ARHGEF1: variants seen among roughly 807,000 people sequenced by gnomAD.
The protein encoded by ARHGEF1 is Rho guanine nucleotide exchange factor 1, also known as 115 kDa guanine nucleotide exchange factor.
Under a neutral mutation model 119.7 loss-of-function variants are expected in ARHGEF1, and 40 were observed. That is an observed-to-expected ratio of 0.33 (90% confidence interval 0.26 to 0.44). The LOEUF (loss-of-function observed/expected upper bound fraction) is 0.44, where lower values mean the gene tolerates loss of function less well. ARHGEF1 is among the 20% of genes least tolerant of loss of function. ARHGEF1 has a pLI of 1.00. For missense variants in ARHGEF1, 976 were observed against 1,268.3 expected, an observed-to-expected ratio of 0.77 and a Z score of 3.50; for synonymous variants, 494 against 521.0, an observed-to-expected ratio of 0.95 and a Z score of 0.71.
At position 41,888,938 on chromosome 19, in the gene ARHGEF1, G is replaced by T. The variant is rs1244744691; in HGVS notation, c.225+73G>T. 1.2e-5 allele frequency: 15 copies of T among 1,268,828 alleles called. No individual in the cohort carries two copies. The highest frequency in any genetic ancestry group is 1.5e-5 in the Non-Finnish European group (14 of 903,968). 78.6% of individuals were successfully genotyped at this position (1,268,828 alleles called of 1,614,324 possible). On this transcript the variant is annotated intron_variant, in intron 4 of 28. Coordinates refer to ENST00000354532, the MANE Select transcript of ARHGEF1 (RefSeq NM_004706.4). The surrounding 1 kb of genome is among the most constrained non-coding windows in gnomAD (Gnocchi z 5.1). ...GCACAGCTTTTAGCGAATTAAACCAGCGAGCTAGTGCCTGGAGGGTCTGGA... is the reference window on the plus strand; with the variant it reads ...GCACAGCTTTTAGCGAATTAAACCATCGAGCTAGTGCCTGGAGGGTCTGGA...
rs1555847391 is a variant in ARHGEF1, at chr19:41,895,458, G to A, written c.987G>A (p.Leu329=). The stretch of plus-strand genomic sequence containing the variant: ...CCCCTGGAGTCTCTCTGCACCCTCT[G>A]TCCCTGGACAGCCCAGACCGGGAAC... ...QDTPGVSLHP[L]SLDSPDREPG... The change falls in exon 12 of 29, where the codon CTG becomes CTA. Residue 329 remains leucine (L), a synonymous_variant. Coordinates refer to ENST00000354532, the MANE Select transcript of ARHGEF1 (RefSeq NM_004706.4). 6.2e-7 allele frequency: 1 copy of A among 1,610,414 alleles called. No homozygotes were observed. The highest frequency in any genetic ancestry group is 8.5e-7 in the Non-Finnish European group (1 of 1,178,458).
rs982685316 is a variant in ARHGEF1 at position 41,905,366 on chromosome 19, T to A, written c.2336+105T>A. 7.1e-6 allele frequency: 7 copies of A among 979,768 alleles called. No individual in the cohort carries two copies. The African/African-American group carries it at 9.7e-5, about 14-fold the overall frequency. The allele number at this position is 979,768 out of a possible 1,614,324, so 60.7% of individuals were successfully genotyped here. A position where few individuals can be genotyped will look rare whatever the true frequency, so the allele number is the denominator to read the frequency against. On this transcript the variant is annotated intron_variant, in intron 24 of 28. Coordinates refer to ENST00000354532, the MANE Select transcript of ARHGEF1 (RefSeq NM_004706.4). This position sits in a 1 kb window ranked among gnomAD's most constrained non-coding sequence, Gnocchi z 6.4. ...AACCGTCTCTGTGTGAGCATGCACA[T>A]GTGTGAATGCATGTGTGTGCATACA...
chr19:41,896,310 G>A (rs2074484512), intron 12 of ARHGEF1, 67 bp from the exon 13 acceptor site: 2 of 795,226 alleles, frequency 2.5e-6, no homozygotes, highest in African/African-American at 2.0e-5. Flanking sequence ...GCAATTCCAG[G>A]CCCCCAGAGT....
At chr19:41,884,260 G>A (rs1239215012) in intron 1 of ARHGEF1, 5 of 674,300 alleles carry the variant, frequency 7.4e-6, no homozygotes, top group South Asian at 1.9e-5. Flanking sequence ...GGCCCTATCT[G>A]GCCTGCGTGG....
chr19:41,908,663 A>G (rs2074733530), downstream of ARHGEF1: 5 of 1,231,494 alleles, frequency 4.1e-6, no homozygotes, highest in African/African-American at 3.1e-5. The surrounding 1 kb of genome is among the most constrained non-coding windows in gnomAD (Gnocchi z 6.7). Context: ...GGGGCTTGGA[A>G]TAGCTGGTGG....
rs1373638556 is a variant in ARHGEF1, at chr19:41,896,568, T to G, written c.1121+86T>G. On this transcript the variant is annotated intron_variant, in intron 13 of 28. Coordinates refer to ENST00000354532, the MANE Select transcript of ARHGEF1 (RefSeq NM_004706.4). ...CAGGGTCACCGCTGCCATCTGTGCC[T>G]GCCTGTCCCAGGCTCTTGCTCCCCA... is the stretch of plus-strand genomic sequence containing the variant. 4 of 1,079,704 alleles carry G rather than the reference T, an allele frequency of 3.7e-6. No individual in the cohort carries two copies. In the Admixed American group the frequency reaches 7.9e-5, roughly 21 times the overall value. 66.9% of individuals were successfully genotyped at this position (1,079,704 alleles called of 1,614,324 possible).
chr19:41,899,247 C>CCAAAA (rs1230187577), intron 14 of ARHGEF1, among the ~76,000 whole-genome samples: 1 of 151,962 alleles, frequency 6.6e-6, no homozygotes, highest in African/African-American at 2.4e-5. Flanking sequence ...CCTCAGCCTC[C>CCAAAA]CAAAGTCTTG....
At chr19:41,898,358 G>GA (rs2123474097) in intron 13 of ARHGEF1, 84 bp from the exon 14 acceptor site, 1 of 1,542,448 alleles carries the variant, frequency 6.5e-7, no homozygotes, top group Admixed American at 2.0e-5. Flanking sequence ...CAAGGCCACT[G>GA]ACCGGGGTTG....
In ARHGEF1 at chr19:41,916,687, G is replaced by A. The variant is rs567369988; in HGVS notation, c.1866-6405G>A. Among the ~76,000 whole-genome samples the A allele has an allele frequency of 1.4e-3, 215 of 151,656 alleles. No individual in the cohort carries two copies. The highest frequency in any genetic ancestry group is 1.3e-3 in the Non-Finnish European group (90 of 67,884). The stretch of plus-strand genomic sequence containing the variant: ...ACAACCAAGCACCACCGACCCTCGA[G>A]CGCATACATATGCACTTGGTCACGC... On this transcript the variant is annotated intron_variant, in intron 18 of 20. Coordinates refer to the ARHGEF1 transcript ENST00000599589. This position sits in a 1 kb window ranked among gnomAD's most constrained non-coding sequence, Gnocchi z 5.4.
At position 41,902,125 on chromosome 19, in the gene ARHGEF1, G is replaced by A; in HGVS notation, c.1414+92G>A. 1 of 1,573,704 alleles carries A rather than the reference G, an allele frequency of 6.4e-7. No homozygotes were observed. Among genetic ancestry groups the A allele is most frequent in the Admixed American group, 1.7e-5 (1 of 57,560 alleles). ...GGTTCAACCTGCTCGGGAACCCCAG[G>A]GTTCACATGGGGTGGGGGCAGATAC... is the stretch of plus-strand genomic sequence containing the variant. On this transcript the variant is annotated intron_variant, in intron 15 of 28. Transcript: ENST00000354532. The surrounding 1 kb of genome is among the most constrained non-coding windows in gnomAD (Gnocchi z 6.5).
Position 41,917,230 on chromosome 19 carries a change from TG to T in ARHGEF1, c.1866-5861del, listed in dbSNP as rs2074806852. ...CTGTCTTTCTAAATATCTCCATCTC[TG>T]AGTGTCTCTGTTTCCCCCATCTCTC... On this transcript the variant is annotated intron_variant, in intron 18 of 20. Transcript: ENST00000599589. This position sits in a 1 kb window ranked among gnomAD's most constrained non-coding sequence, Gnocchi z 4.8. Among the ~76,000 whole-genome samples, 1 of 152,132 alleles carries T rather than the reference TG, an allele frequency of 6.6e-6. No homozygotes were observed.
intron 11 of ARHGEF1, among the ~76,000 whole-genome samples, 154 bp downstream of exon 11, chr19:41,894,815 G>A (rs544440281): frequency 2.7e-4 from 40 of 150,152 alleles, no homozygotes; most frequent in Non-Finnish European, 5.2e-4. Context: ...GTCTGAGGGA[G>A]GAGGGGCTGG....
chr19:41,893,227 C>G (rs1555846682), intron 7 of ARHGEF1, 47 bp from the exon 8 acceptor site: 1 of 1,610,890 alleles, frequency 6.2e-7, no homozygotes, highest in South Asian at 1.1e-5. Context: ...TGGATGGGGA[C>G]CCCAGGCCTA....
chr19:41,892,656 G>A lies in ARHGEF1; in HGVS notation c.421G>A (p.Glu141Lys), dbSNP rs1555846491. The part of the protein sequence containing the change: ...SEDVQRRFVQ[E>K]VVQSQQVAVG... ...GGATGTCCAGCGGCGGTTCGTGCAGGAGGTGGTGCAAAGCCAGCAGGTAGC... is the reference window on the plus strand; with the variant it reads ...GGATGTCCAGCGGCGGTTCGTGCAGAAGGTGGTGCAAAGCCAGCAGGTAGC... Residue 141 changes from glutamate (E) to lysine (K), a missense_variant, in exon 7 of 29, where the codon GAG (glutamate) becomes AAG (lysine). By Grantham distance (56) the Glu-to-Lys change is moderately conservative. Coordinates refer to ENST00000354532, the MANE Select transcript of ARHGEF1 (RefSeq NM_004706.4). The surrounding 1 kb of genome is among the most constrained non-coding windows in gnomAD (Gnocchi z 6.3). 6.2e-7 allele frequency: 1 copy of A among 1,613,504 alleles called. No individual in the cohort carries two copies. Among genetic ancestry groups the A allele is most frequent in the African/African-American group, 1.3e-5 (1 of 75,074 alleles).
Position 41,906,291 on chromosome 19 carries a change from G to A in ARHGEF1, c.2492-166G>A, listed in dbSNP as rs2074694392. ...CTGCCCTGTCCCAACCCTAAACCCA[G>A]CCTCACTTCTTCACCTCCCTTTGGA... On this transcript the variant is annotated intron_variant, in intron 26 of 28. Transcript: ENST00000354532. This position sits in a 1 kb window ranked among gnomAD's most constrained non-coding sequence, Gnocchi z 4.5. 1.4e-6 allele frequency: 1 copy of A among 728,332 alleles called. No homozygotes were observed. The highest frequency in any genetic ancestry group is 3.0e-5 in the Admixed American group (1 of 33,344). The allele number at this position is 728,332 out of a possible 1,614,324, so 45.1% of individuals were successfully genotyped here. A position where few individuals can be genotyped will look rare whatever the true frequency, so the allele number is the denominator to read the frequency against.
At chr19:41,896,277 G>A (rs189510461) in intron 12 of ARHGEF1, 100 bp from the exon 13 acceptor site, 74 of 542,360 alleles carry the variant, frequency 1.4e-4, no homozygotes, top group African/African-American at 1.0e-3. Context: ...GTGTCTGCCA[G>A]GCACTGGGTA....
At chr19:41,929,555 T>TCCCTTGC (rs559906878) in intron 2 of ARHGEF1, 3 of 152,848 alleles carry the variant, frequency 2.0e-5, no homozygotes, top group African/African-American at 4.9e-5. Context: ...TCCTATTCCC[T>TCCCTTGC]CCCTTGCCCC....
At position 41,902,269 on chromosome 19, in the gene ARHGEF1, C is replaced by A. The variant is rs925727704; in HGVS notation, c.1415-5C>A. The stretch of plus-strand genomic sequence containing the variant: ...TGGAGCATCCCTTTCCTCCTGCCCC[C>A]ACAGCCCTGTTCCTCGATCGCCTGA... On this transcript the variant is annotated splice_region_variant and splice_polypyrimidine_tract_variant and intron_variant, in intron 15 of 28. Coordinates refer to ENST00000354532, the MANE Select transcript of ARHGEF1 (RefSeq NM_004706.4). The surrounding 1 kb of genome is among the most constrained non-coding windows in gnomAD (Gnocchi z 6.5). 3 of 1,614,036 alleles carry A rather than the reference C, an allele frequency of 1.9e-6. No individual in the cohort carries two copies. The highest frequency in any genetic ancestry group is 2.5e-6 in the Non-Finnish European group (3 of 1,180,002).
chr19:41,918,088 GC>G (rs1445484866), intron 18 of ARHGEF1, among the ~76,000 whole-genome samples: 3 of 151,832 alleles, frequency 2.0e-5, no homozygotes, highest in Non-Finnish European at 2.9e-5. Flanking sequence ...GCATGGGCAT[GC>G]CCCCCCATCC....
Sources: gnomAD v4.1 joint callset for allele counts (sites outside exome capture counted in the v4.1 genomes callset) on GRCh38, gnomAD v4.1.1 for gene constraint, Gnocchi (gnomAD v3.1) non-coding constraint, MANE v1.5 for transcripts, NCBI Gene and HGNC (gene_info 2026-07-23, HGNC 2026-07-21) for gene names.